BCL2L1: variants seen among roughly 807,000 people sequenced by gnomAD.
The protein encoded by BCL2L1 is bcl-2-like protein 1.
Under a neutral mutation model 18.7 loss-of-function variants are expected in BCL2L1, and 1 was observed. The observed-to-expected ratio is 0.05, with a 90% CI of 0.02 to 0.25. The LOEUF is 0.25. BCL2L1 is among the 10% of genes least tolerant of loss of function. BCL2L1 has a pLI of 1.00. For missense variants in BCL2L1, 207 were observed against 304.9 expected (o/e 0.68, Z 2.39); for synonymous variants, 103 against 122.7 (o/e 0.84, Z 1.06).
intron 2 of BCL2L1, among the ~76,000 whole-genome samples, chr20:31,675,944 C>T (rs2060751569): frequency 6.6e-6 from 1 of 152,220 alleles, no homozygotes; most frequent in African/African-American, 2.4e-5. Context: ...CACCTCCTCC[C>T]CCACCATTAG....
intron 2 of BCL2L1, chr20:31,720,101 G>C (rs1258352000): frequency 1.0e-6 from 1 of 985,280 alleles, no homozygotes; most frequent in Non-Finnish European, 1.2e-6. Flanking sequence ...TAGCTCAAGA[G>C]AACCCACCAC....
intron 2 of BCL2L1, among the ~76,000 whole-genome samples, chr20:31,684,115 GCCCACAGGTAC>G (rs2060914864): frequency 6.6e-6 from 1 of 152,118 alleles, no homozygotes; most frequent in Admixed American, 6.6e-5. Flanking sequence ...GTCCAGAATG[GCCCACAGGTAC>G]CCCCCAACAT....
chr20:31,722,161 T>C lies in BCL2L1; in HGVS notation c.58A>G (p.Lys20Glu). 2 of 1,504,952 alleles carry C rather than the reference T, an allele frequency of 1.3e-6. No homozygotes were observed. Among genetic ancestry groups the C allele is most frequent in the Non-Finnish European group, 1.8e-6 (2 of 1,133,346 alleles). The allele number at this position is 1,504,952 out of a possible 1,614,324, so 93.2% of individuals were successfully genotyped here. Residue 20 changes from lysine to glutamate, a missense_variant, in exon 2 of 3, where the codon AAA becomes GAA. Physicochemically the swap from Lys to Glu is moderately conservative, Grantham distance 56. Transcript: ENST00000307677. ...VDFLSYKLSQ[K>E]GYSWSQFSDV... ...CTAAACTGACTCCAGCTGTATCCTT[T>C]CTGGGAAAGCTTGTAGGAGAGAAAG...
At chr20:31,707,996 C>G (rs1303721782) in intron 2 of BCL2L1, among the ~76,000 whole-genome samples, 1 of 152,132 alleles carries the variant, frequency 6.6e-6, no homozygotes, top group Non-Finnish European at 1.5e-5. Flanking sequence ...ACCAGGAATA[C>G]CAGGAGCAGC....
chr20:31,703,091 C>T (rs1361526168), intron 2 of BCL2L1, among the ~76,000 whole-genome samples: 1 of 151,482 alleles, frequency 6.6e-6, no homozygotes, highest in Non-Finnish European at 1.5e-5. Context: ...GTTGCCCAGG[C>T]TGGAGTGCAA....
At chr20:31,703,995 G>A (rs550594507) in intron 2 of BCL2L1, among the ~76,000 whole-genome samples, 7 of 147,550 alleles carry the variant, frequency 4.7e-5, no homozygotes, top group African/African-American at 1.8e-4. Context: ...ACGGGGTTTC[G>A]CCATATTGGT....
intron 2 of BCL2L1, among the ~76,000 whole-genome samples, chr20:31,688,357 C>T (rs1234490879): frequency 6.7e-6 from 1 of 149,634 alleles, no homozygotes; most frequent in African/African-American, 2.5e-5. Flanking sequence ...GGCAGAAGAA[C>T]TGCTTAAACC....
intron 2 of BCL2L1, chr20:31,720,108 C>A (rs1460915983): frequency 2.0e-6 from 2 of 985,316 alleles, no homozygotes; most frequent in East Asian, 2.3e-4. Context: ...AGAGAACCCA[C>A]CACCTTTACC....
chr20:31,706,447 T>C (rs1372270143), intron 2 of BCL2L1, among the ~76,000 whole-genome samples: 2 of 152,204 alleles, frequency 1.3e-5, no homozygotes, highest in Non-Finnish European at 2.9e-5. Flanking sequence ...ACTTTACATG[T>C]ACCATTAATT....
chr20:31,674,483 T>C (rs1273848975), intron 2 of BCL2L1, among the ~76,000 whole-genome samples: 1 of 152,188 alleles, frequency 6.6e-6, no homozygotes, highest in African/African-American at 2.4e-5. Flanking sequence ...AGGACAATCA[T>C]GGGCCAGGTC....
chr20:31,712,080 ACT>A (rs1440726566), intron 2 of BCL2L1, among the ~76,000 whole-genome samples: 1 of 152,138 alleles, frequency 6.6e-6, no homozygotes, highest in Non-Finnish European at 1.5e-5. Context: ...TCAAATGCTG[ACT>A]CTGCCTCTGG....
At chr20:31,689,435 A>C in intron 2 of BCL2L1, among the ~76,000 whole-genome samples, 1 of 149,354 alleles carries the variant, frequency 6.7e-6, no homozygotes, top group African/African-American at 2.5e-5. Flanking sequence ...TACAAAAAAA[A>C]GAAAAAAAAA....
intron 2 of BCL2L1, among the ~76,000 whole-genome samples, chr20:31,670,666 C>T (rs529541548): frequency 4.6e-5 from 7 of 152,208 alleles, no homozygotes; most frequent in Non-Finnish European, 8.8e-5. Context: ...CCTTCATTTC[C>T]ATTTCAGCTT....
intron 2 of BCL2L1, among the ~76,000 whole-genome samples, chr20:31,692,226 G>C (rs756988224): frequency 6.6e-6 from 1 of 152,234 alleles, no homozygotes; most frequent in African/African-American, 2.4e-5. Flanking sequence ...CACTGCCTGG[G>C]AGAAACTCTT....
chr20:31,683,114 T>G (rs2060891492), intron 2 of BCL2L1, among the ~76,000 whole-genome samples: 1 of 152,184 alleles, frequency 6.6e-6, no homozygotes, highest in Non-Finnish European at 1.5e-5. Context: ...AACCCTCCAC[T>G]GCCTTCCCAT....
intron 2 of BCL2L1, among the ~76,000 whole-genome samples, chr20:31,699,358 A>C (rs2061240729): frequency 6.6e-6 from 1 of 152,232 alleles, no homozygotes; most frequent in Non-Finnish European, 1.5e-5. Context: ...TGATTCAGCT[A>C]GATGATGTCA....
chr20:31,698,861 A>G (rs2061232043), intron 2 of BCL2L1, among the ~76,000 whole-genome samples: 1 of 152,064 alleles, frequency 6.6e-6, no homozygotes, highest in Non-Finnish European at 1.5e-5. Flanking sequence ...TCAATTAGTG[A>G]GTCAAGGGGA....
In BCL2L1 at chr20:31,704,126, C is replaced by T. The variant is rs1213035779; in HGVS notation, c.564+17529G>A. Among the ~76,000 whole-genome samples the T allele has an allele frequency of 3.5e-4, 38 of 108,270 alleles. 1 individual carries two copies. In the East Asian group the frequency reaches 5.6e-3, roughly 16 times the overall value. 71.0% of individuals were successfully genotyped at this position (108,270 alleles called of 152,430 possible). Reference sequence around the variant, plus strand: ...AACCTTTTTTTTTTTTTTTTTGAGACGGAGTCTCTCCCTGTCACCTAGGCT... The same window carrying T: ...AACCTTTTTTTTTTTTTTTTTGAGATGGAGTCTCTCCCTGTCACCTAGGCT... On this transcript the variant is annotated intron_variant, in intron 2 of 2. Coordinates refer to ENST00000307677, the MANE Select transcript of BCL2L1 (RefSeq NM_138578.3).
At chr20:31,666,299 G>C (rs1275631847) in intron 2 of BCL2L1, among the ~76,000 whole-genome samples, 1 of 152,164 alleles carries the variant, frequency 6.6e-6, no homozygotes, top group African/African-American at 2.4e-5. Context: ...GAAACAGGTA[G>C]AGAGGAGGAA....
Sources: allele counts gnomAD v4.1 joint callset (sites outside exome capture counted in the v4.1 genomes callset), GRCh38; gene constraint gnomAD v4.1.1; transcripts MANE v1.5; gene names NCBI Gene and HGNC (gene_info 2026-07-23, HGNC 2026-07-21).